Variants in ADHFE1 observed in about 807,000 individuals in gnomAD.
ADHFE1 encodes the protein alcohol dehydrogenase iron containing 1.
Under a neutral mutation model 54.8 loss-of-function variants are expected in ADHFE1, and 37 were observed. The observed-to-expected ratio is 0.68, with a 90% CI of 0.52 to 0.89. The LOEUF (loss-of-function observed/expected upper bound fraction) is 0.89. Ranked by LOEUF, ADHFE1 falls within the 40% of genes least tolerant of loss-of-function variation. ADHFE1 has a pLI of 0.00. For synonymous variants in ADHFE1, 203 were observed against 229.3 expected (o/e 0.89, Z 1.04); for missense variants, 601 against 591.2 (o/e 1.02, Z -0.17).
chr8:66,453,618 A>T (rs1563492214), intron 9 of ADHFE1: 2 of 1,101,948 alleles, frequency 1.8e-6, no homozygotes, highest in Admixed American at 2.0e-5. Context: ...AGAGGCCCCC[A>T]GTGGGTCCAG....
At chr8:66,441,692 G>A (rs1385518276) in intron 2 of ADHFE1, among the ~76,000 whole-genome samples, 1 of 152,054 alleles carries the variant, frequency 6.6e-6, no homozygotes, top group East Asian at 1.9e-4. Flanking sequence ...CAAGGAAATA[G>A]CACCTTATAA....
Position 66,454,145 on chromosome 8 carries a change from G to T in ADHFE1, c.974G>T (p.Gly325Val). 1 of 1,614,060 alleles carries T rather than the reference G, an allele frequency of 6.2e-7. No individual in the cohort carries two copies. Among genetic ancestry groups the T allele is most frequent in the Non-Finnish European group, 8.5e-7 (1 of 1,180,000 alleles). ...AFAGIGFGNAGVHLCHGMSYP... is the reference protein window; with the variant it reads ...AFAGIGFGNAVVHLCHGMSYP... The stretch of plus-strand genomic sequence containing the variant: ...GCTGGCATCGGCTTTGGAAATGCTG[G>T]TGTTCATCTGTGGTGAGCAAGTCTG... The change falls in exon 10 of 14, where the codon GGT becomes GTT. Residue 325 changes from glycine (G) to valine (V), a missense_variant. By Grantham distance (109) the Gly-to-Val change is moderately radical. Transcript: ENST00000396623.
chr8:66,460,550 G>T, intron 13 of ADHFE1, 85 bp downstream of exon 13: 1 of 1,480,616 alleles, frequency 6.8e-7, no homozygotes. Flanking sequence ...GGGCTAGCAG[G>T]GATGGAAACC....
chr8:66,442,753 CT>C (rs769588668), intron 2 of ADHFE1, 44 bp from the exon 3 acceptor site: 48 of 1,526,086 alleles, frequency 3.1e-5, no homozygotes, highest in Admixed American at 1.5e-4. Flanking sequence ...AACATTTATG[CT>C]TTTTTTTAAA....
At chr8:66,440,463 T>G (rs1203992433) in intron 2 of ADHFE1, among the ~76,000 whole-genome samples, 1 of 152,216 alleles carries the variant, frequency 6.6e-6, no homozygotes, top group Non-Finnish European at 1.5e-5. Context: ...TTGCCAAGTC[T>G]AAAAATGCAC....
intron 3 of ADHFE1, among the ~76,000 whole-genome samples, chr8:66,443,364 G>A (rs1414917852): frequency 7.5e-6 from 1 of 133,756 alleles, no homozygotes; most frequent in Non-Finnish European, 1.6e-5. Context: ...TACAACCTCC[G>A]CCTCCTGAGT....
Position 66,432,906 on chromosome 8 carries a change from CAT to C in ADHFE1, c.59+334_59+335del, listed in dbSNP as rs760442311. On this transcript the variant is annotated intron_variant, in intron 1 of 13. Coordinates refer to ENST00000396623, the MANE Select transcript of ADHFE1 (RefSeq NM_144650.3). ...GACAAATTCATGTATGCAATTGACA[CAT>C]ATTTATTGGGCATATATTATGTGCC... The C allele has an allele frequency of 8.3e-5, 95 of 1,142,360 alleles. No individual in the cohort carries two copies. The Middle Eastern group carries it at 1.1e-3, about 13-fold the overall frequency. The allele number at this position is 1,142,360 out of a possible 1,614,324, so 70.8% of individuals were successfully genotyped here.
chr8:66,443,620 A>C (rs1464658778), intron 3 of ADHFE1, among the ~76,000 whole-genome samples: 2 of 152,148 alleles, frequency 1.3e-5, no homozygotes, highest in African/African-American at 4.8e-5. Flanking sequence ...CCTGACAGTT[A>C]ACCAAGAGAT....
At chr8:66,453,269 G>A (rs951036867) in intron 9 of ADHFE1, among the ~76,000 whole-genome samples, 1 of 152,132 alleles carries the variant, frequency 6.6e-6, no homozygotes, top group African/African-American at 2.4e-5. Context: ...TCAGAAAGGA[G>A]GCAGGAACAC....
At chr8:66,464,784 G>T (rs1039360797) in intron 13 of ADHFE1, among the ~76,000 whole-genome samples, 2 of 152,062 alleles carry the variant, frequency 1.3e-5, no homozygotes, top group African/African-American at 4.8e-5. Flanking sequence ...GCACAATGTT[G>T]TGCAACCATC....
At position 66,468,294 on chromosome 8, in the gene ADHFE1, G is replaced by C; in HGVS notation, c.1346G>C (p.Cys449Ser). ...PQERVTKLAP[C>S]PQSEEDLAAL... is the part of the protein sequence containing the mutation. Reference sequence around the variant, plus strand: ...GAAAGGGTCACCAAGCTTGCACCCTGTCCCCAGTCAGAAGAGGATCTGGCT... The same window carrying C: ...GAAAGGGTCACCAAGCTTGCACCCTCTCCCCAGTCAGAAGAGGATCTGGCT... Residue 449 changes from cysteine (C) to serine (S), a missense_variant, in exon 14 of 14, where the codon TGT becomes TCT. Physicochemically the swap from Cys to Ser is moderately radical, Grantham distance 112. Coordinates refer to ENST00000396623, the MANE Select transcript of ADHFE1 (RefSeq NM_144650.3). 1 of 1,613,058 alleles carries C rather than the reference G, an allele frequency of 6.2e-7. No individual in the cohort carries two copies. The highest frequency in any genetic ancestry group is 8.5e-7 in the Non-Finnish European group (1 of 1,179,520).
At chr8:66,448,841 C>T (rs62511187) in intron 7 of ADHFE1, 24 bp from the exon 8 acceptor site, 19,144 of 1,596,806 alleles carry the variant, frequency 0.012, 567 homozygotes, top group African/African-American at 0.11. Context: ...GCTTTAGCCT[C>T]TACTGAAAAT....
chr8:66,436,994 G>A (rs1156660614), intron 1 of ADHFE1, among the ~76,000 whole-genome samples: 1 of 152,174 alleles, frequency 6.6e-6, no homozygotes, highest in Admixed American at 6.5e-5. Context: ...TGGTTAGCTA[G>A]TGGAGGGCAT....
In ADHFE1 at chr8:66,468,346, G is replaced by GT. The variant is rs772069186; in HGVS notation, c.1399dup (p.Tyr467LeufsTer22). On this transcript the variant is annotated frameshift_variant, in exon 14 of 14. Coordinates refer to ENST00000396623, the MANE Select transcript of ADHFE1 (RefSeq NM_144650.3). LOFTEE classifies it high-confidence loss of function. ...CTCTGTTTGAAGCTTCAATGAAACT[G>GT]TATTAATTGTCATTTTAACTGAAAG... 2.5e-5 allele frequency: 40 copies of GT among 1,612,008 alleles called. No homozygotes were observed. In the African/African-American group the frequency reaches 4.8e-4, roughly 19 times the overall value.
rs201305131 is a variant in ADHFE1 at position 66,445,344 on chromosome 8, C to T, written c.480C>T (p.Phe160=). 5 of 1,614,014 alleles carry T rather than the reference C, an allele frequency of 3.1e-6. No individual in the cohort carries two copies. The East Asian group carries it at 8.9e-5, about 29-fold the overall frequency. ...ATGCATCCAGCCCTCATTCTGATTT[C>T]CTAGATTATGTCAGTGCCCCCATTG... The part of the protein sequence containing the change: ...NLYASSPHSD[F]LDYVSAPIGK... The change falls in exon 6 of 14, where the codon TTC becomes TTT. Residue 160 remains phenylalanine (F), a synonymous_variant. Transcript: ENST00000396623.
intron 7 of ADHFE1, 148 bp downstream of exon 7, chr8:66,447,489 A>G (rs1453872440): frequency 3.0e-6 from 2 of 672,122 alleles, no homozygotes; most frequent in Non-Finnish European, 5.0e-6. Context: ...AGTCAGCAAC[A>G]AAGTATTGTA....
intron 13 of ADHFE1, among the ~76,000 whole-genome samples, chr8:66,463,156 A>G (rs1806991078): frequency 6.6e-6 from 1 of 152,200 alleles, no homozygotes; most frequent in South Asian, 2.1e-4. Flanking sequence ...TCCACGTAGC[A>G]GCAGATCCAG....
intron 6 of ADHFE1, among the ~76,000 whole-genome samples, chr8:66,446,511 A>G (rs1416504312): frequency 1.3e-5 from 2 of 152,250 alleles, no homozygotes; most frequent in African/African-American, 4.8e-5. Context: ...CAGTCATCAC[A>G]CACGTGCATG....
At chr8:66,449,856 C>T (rs6993131) in intron 8 of ADHFE1, among the ~76,000 whole-genome samples, 50,087 of 152,106 alleles carry the variant, frequency 0.33, 8,686 homozygotes, top group South Asian at 0.45. Context: ...CAGTGGCTCA[C>T]GCCTGTATTC....
Sources: gnomAD v4.1 joint callset for allele counts (sites outside exome capture counted in the v4.1 genomes callset) on GRCh38, gnomAD v4.1.1 for gene constraint, MANE v1.5 for transcripts, NCBI Gene and HGNC (gene_info 2026-07-23, HGNC 2026-07-21) for gene names.